The following TRMT44 variants were observed in gnomAD, a reference collection of about 807,000 sequenced individuals.
The protein encoded by TRMT44 is probable tRNA (uracil-O(2)-)-methyltransferase.
A neutral mutation model predicts 77.3 loss-of-function variants in TRMT44; 78 were observed. That is an observed-to-expected ratio of 1.01 (90% confidence interval 0.84 to 1.22). TRMT44 has a LOEUF of 1.22. Among genes scored for constraint, TRMT44 ranks in the 50% most tolerant of loss-of-function variants. TRMT44 has a pLI of 0.00. For synonymous variants in TRMT44, 391 were observed against 383.3 expected, an observed-to-expected ratio of 1.02 and a Z score of -0.23; for missense variants, 1,090 against 964.4, an observed-to-expected ratio of 1.13 and a Z score of -1.73.
chr4:8,468,076 C>A lies in TRMT44; in HGVS notation c.1657C>A (p.His553Asn). 6.2e-7 allele frequency: 1 copy of A among 1,613,956 alleles called. No individual in the cohort carries two copies. The highest frequency in any genetic ancestry group is 1.7e-5 in the Admixed American group (1 of 60,016). Residue 553 changes from histidine (H) to asparagine (N), a missense_variant, in exon 9 of 11, where the codon CAC (histidine) becomes AAC (asparagine). Physicochemically the swap from His to Asn is moderately conservative, Grantham distance 68 (BLOSUM62 1). Transcript: ENST00000389737. Reference sequence around the variant, plus strand: ...CTGGGTTGCTGCTGGCAGTGCTGGTCACTGTGACGGTCAGCAAGCTCTGGA... The same window carrying A: ...CTGGGTTGCTGCTGGCAGTGCTGGTAACTGTGACGGTCAGCAAGCTCTGGA... ...PRWVAAGSAG[H>N]CDGQQALDAR...
chr4:8,458,200 G>A (rs556326961), intron 6 of TRMT44, among the ~76,000 whole-genome samples: 17 of 152,282 alleles, frequency 1.1e-4, no homozygotes, highest in Admixed American at 5.2e-4. Context: ...TGATAGAAAC[G>A]TTTTTAGAGA....
downstream of TRMT44, chr4:8,479,316 C>G (rs926412807): frequency 7.2e-5 from 11 of 151,896 alleles, no homozygotes; most frequent in Non-Finnish European, 1.5e-4. Flanking sequence ...CACGAGAAAG[C>G]ACAGTCATGT....
In TRMT44 at chr4:8,464,071, G is replaced by T. The variant is rs769400020; in HGVS notation, c.1290G>T (p.Trp430Cys). 6.8e-6 allele frequency: 11 copies of T among 1,613,932 alleles called. No individual in the cohort carries two copies. Among genetic ancestry groups the T allele is most frequent in the South Asian group, 5.5e-5 (5 of 91,026 alleles). Residue 430 changes from tryptophan to cysteine, a missense_variant, in exon 7 of 11, where the codon TGG becomes TGT. Trp to Cys is a radical substitution (Grantham distance 215). Coordinates refer to ENST00000389737, the MANE Select transcript of TRMT44 (RefSeq NM_152544.3). ...ACCATTCTGATGAACTCACACCATG[G>T]ATACCTGTCATTGCAGCCAGGTGAG... is the stretch of plus-strand genomic sequence containing the variant. ...IGNHSDELTPWIPVIAARSSY... is the reference protein window; with the variant it reads ...IGNHSDELTPCIPVIAARSSY...
intron 6 of TRMT44, among the ~76,000 whole-genome samples, chr4:8,457,063 AG>A (rs1725857737): frequency 6.6e-6 from 1 of 151,134 alleles, no homozygotes; most frequent in African/African-American, 2.4e-5. Context: ...CATTGTAAAA[AG>A]AAAATCATCA....
chr4:8,449,949 C>CTTTTCTTTTGTTTTTTTTTTT, intron 3 of TRMT44, 61 bp downstream of exon 3: 1 of 238,690 alleles, frequency 4.2e-6, no homozygotes, highest in Non-Finnish European at 6.1e-6. Context: ...CTTTTCTTTT[C>CTTTTCTTTTGTTTTTTTTTTT]TTTTTTTTTT....
At chr4:8,450,358 T>A (rs1251676872) in intron 3 of TRMT44, among the ~76,000 whole-genome samples, 1 of 151,862 alleles carries the variant, frequency 6.6e-6, no homozygotes, top group Non-Finnish European at 1.5e-5. Context: ...AGATATATAA[T>A]GGAAAAGGAT....
intron 1 of TRMT44, among the ~76,000 whole-genome samples, chr4:8,443,730 A>G (rs917842572): frequency 6.6e-6 from 1 of 152,186 alleles, no homozygotes; most frequent in Admixed American, 6.5e-5. Context: ...TAAGATCACG[A>G]AGGTCTTAAG....
chr4:8,514,121 C>T, the TRMT44 span, among the ~76,000 whole-genome samples: 7 of 152,276 alleles, frequency 4.6e-5, no homozygotes, highest in African/African-American at 1.4e-4. Context: ...AGGCACTACA[C>T]GTGTTCCACA....
chr4:8,503,346 C>T, the TRMT44 span, among the ~76,000 whole-genome samples: 118 of 152,336 alleles, frequency 7.7e-4, no homozygotes, highest in South Asian at 1.4e-3. Flanking sequence ...CTGCAGCAGT[C>T]GGACCGGCTC....
the TRMT44 span, chr4:8,510,895 T>C: frequency 0.056 from 8,549 of 152,636 alleles, 418 homozygotes; most frequent in African/African-American, 0.14. Flanking sequence ...TGAGCACCCA[T>C]GGCAGTGACC....
At chr4:8,494,072 G>A (rs777810386), downstream of TRMT44, among the ~76,000 whole-genome samples, 40 of 151,080 alleles carry the variant, frequency 2.6e-4, no homozygotes, top group Admixed American at 1.7e-3. Flanking sequence ...TGAGGCAGCT[G>A]TGGGGTGATG....
chr4:8,496,523 C>T (rs78575390), downstream of TRMT44, among the ~76,000 whole-genome samples: 2,678 of 152,274 alleles, frequency 0.018, 67 homozygotes, highest in African/African-American at 0.06. Flanking sequence ...TTGGGACTGT[C>T]GGTTGCTACA....
At chr4:8,501,909 T>G in the TRMT44 span, among the ~76,000 whole-genome samples, 1 of 152,156 alleles carries the variant, frequency 6.6e-6, no homozygotes. This position sits in a 1 kb window ranked among gnomAD's most constrained non-coding sequence, Gnocchi z 4.4. Flanking sequence ...TGCCCACATC[T>G]CTCTGTTGAG....
At chr4:8,471,282 G>C (rs1403831628) in intron 10 of TRMT44, 82 bp downstream of exon 10, 1 of 978,480 alleles carries the variant, frequency 1.0e-6, no homozygotes, top group African/African-American at 1.7e-5. Context: ...TTTTAGAGTG[G>C]TTTAGACTCA....
chr4:8,474,092 G>T (rs1439802325), intron 10 of TRMT44, among the ~76,000 whole-genome samples: 1 of 152,204 alleles, frequency 6.6e-6, no homozygotes, highest in Non-Finnish European at 1.5e-5. Flanking sequence ...AGGGGGTGCC[G>T]AGGCTGGCTC....
chr4:8,458,525 G>A (rs1434772517), intron 6 of TRMT44, among the ~76,000 whole-genome samples: 1 of 147,242 alleles, frequency 6.8e-6, no homozygotes. Context: ...GTGCAGTGGT[G>A]TGATCTAGGT....
At chr4:8,503,825 C>T in the TRMT44 span, among the ~76,000 whole-genome samples, 12 of 152,246 alleles carry the variant, frequency 7.9e-5, no homozygotes, top group Non-Finnish European at 1.5e-4. Flanking sequence ...CCCCTTCACC[C>T]TCCTAAATGT....
At chr4:8,479,203 C>T (rs1050558770), downstream of TRMT44, 1 of 152,050 alleles carries the variant, frequency 6.6e-6, no homozygotes, top group African/African-American at 2.4e-5. Context: ...AAGCTGAGCC[C>T]TCTGCTGACT....
intron 9 of TRMT44, 51 bp downstream of exon 9, chr4:8,468,397 G>T: frequency 6.3e-7 from 1 of 1,579,018 alleles, no homozygotes; most frequent in Non-Finnish European, 8.7e-7. Flanking sequence ...CAGGCTTGAG[G>T]GCAGGAATTC....
Sources: gnomAD v4.1 joint callset for allele counts (sites outside exome capture counted in the v4.1 genomes callset) on GRCh38, gnomAD v4.1.1 for gene constraint, Gnocchi (gnomAD v3.1) non-coding constraint, MANE v1.5 for transcripts, NCBI Gene and HGNC (gene_info 2026-07-23, HGNC 2026-07-21) for gene names.